Variants in CATSPER3 observed in about 807,000 individuals in gnomAD.
CATSPER3 encodes cation channel sperm-associated protein 3.
Under a neutral mutation model 36.6 loss-of-function variants are expected in CATSPER3, and 23 were observed. The ratio of observed to expected loss-of-function variants is 0.63; its 90% CI spans 0.45 to 0.89. The LOEUF (loss-of-function observed/expected upper bound fraction) is 0.89. Ranked by LOEUF, CATSPER3 falls within the 40% of genes least tolerant of loss-of-function variation. The probability of loss-of-function intolerance (pLI) is 0.00; values close to 1 mark genes in which losing one functional copy is unlikely to be tolerated. For synonymous variants in CATSPER3, 172 were observed against 184.1 expected (o/e 0.93, Z 0.53); for missense variants, 474 against 503.9 (o/e 0.94, Z 0.57).
chr5:135,005,612 TTAAA>T (rs1442463521), intron 3 of CATSPER3, among the ~76,000 whole-genome samples: 11 of 152,238 alleles, frequency 7.2e-5, no homozygotes, highest in Admixed American at 3.3e-4. Flanking sequence ...AAAGGAATCC[TTAAA>T]TAAAGAGCTA....
chr5:135,008,623 G>A (rs932093091), intron 4 of CATSPER3, among the ~76,000 whole-genome samples: 1 of 152,184 alleles, frequency 6.6e-6, no homozygotes, highest in Admixed American at 6.5e-5. Context: ...AAGAGACCTC[G>A]AGGCATGTTG....
At chr5:134,975,106 G>T (rs1474095111) in intron 2 of CATSPER3, 5 of 152,100 alleles carry the variant, frequency 3.3e-5, no homozygotes, top group Non-Finnish European at 7.3e-5. Context: ...TGCAACATTT[G>T]TAAAATGATA....
intron 2 of CATSPER3, among the ~76,000 whole-genome samples, chr5:134,981,720 C>T (rs1751753723): frequency 6.6e-6 from 1 of 152,110 alleles, no homozygotes; most frequent in Admixed American, 6.5e-5. Flanking sequence ...ATTTGGTTTT[C>T]AACAAAATAT....
chr5:134,991,970 AAAT>A (rs1751884064), intron 2 of CATSPER3, among the ~76,000 whole-genome samples: 1 of 152,062 alleles, frequency 6.6e-6, no homozygotes, highest in Non-Finnish European at 1.5e-5. Context: ...AAAAATACAA[AAAT>A]TAGCCAGGTG....
At chr5:135,003,451 G>A (rs1221278488) in intron 3 of CATSPER3, among the ~76,000 whole-genome samples, 1 of 152,214 alleles carries the variant, frequency 6.6e-6, no homozygotes, top group Non-Finnish European at 1.5e-5. Flanking sequence ...CAAACTCCGT[G>A]CTGGGAGAAC....
chr5:135,008,031 C>CATCTT lies in CATSPER3; in HGVS notation c.568_572dup (p.Phe191LeufsTer55). 6.2e-7 allele frequency: 1 copy of CATCTT among 1,614,126 alleles called. No homozygotes were observed. The highest frequency in any genetic ancestry group is 8.5e-7 in the Non-Finnish European group (1 of 1,179,952). On this transcript the variant is annotated frameshift_variant, in exon 4 of 8. Coordinates refer to ENST00000282611, the MANE Select transcript of CATSPER3 (RefSeq NM_178019.3). LOFTEE classifies it high-confidence loss of function. ...TCCTCCTGCTCTTCCTCCTCATGTA[C>CATCTT]ATCTTCGCTATCTTGGGCTTCTGCC...
intron 2 of CATSPER3, among the ~76,000 whole-genome samples, chr5:134,992,772 A>G (rs1400613829): frequency 6.6e-6 from 1 of 152,216 alleles, no homozygotes; most frequent in African/African-American, 2.4e-5. Context: ...GTGTCGGTGA[A>G]GATGTAGAGA....
chr5:135,008,205 C>A (rs533390030), intron 4 of CATSPER3, 66 bp downstream of exon 4: 153 of 1,361,216 alleles, frequency 1.1e-4, no homozygotes, highest in Admixed American at 6.1e-4. Context: ...GTGGTGCAAG[C>A]GTGTGGACAT....
chr5:135,006,789 G>A (rs1407586731), intron 3 of CATSPER3, among the ~76,000 whole-genome samples: 3 of 144,074 alleles, frequency 2.1e-5, no homozygotes, highest in Non-Finnish European at 4.5e-5. Context: ...AGTGAGCCGA[G>A]ATTGCGCCAC....
intron 2 of CATSPER3, among the ~76,000 whole-genome samples, chr5:134,993,115 A>G (rs1265620178): frequency 1.3e-5 from 2 of 152,246 alleles, no homozygotes; most frequent in Non-Finnish European, 2.9e-5. Flanking sequence ...AAACCAACAC[A>G]TGCTAGAAAT....
intron 2 of CATSPER3, among the ~76,000 whole-genome samples, chr5:134,994,947 C>G (rs1305821493): frequency 1.3e-5 from 2 of 151,386 alleles, no homozygotes; most frequent in Non-Finnish European, 3.0e-5. Flanking sequence ...CCCTTCCTTC[C>G]TTTCTTTCTT....
intron 2 of CATSPER3, among the ~76,000 whole-genome samples, chr5:134,982,367 G>T (rs965371743): frequency 6.6e-6 from 1 of 152,012 alleles, no homozygotes; most frequent in Non-Finnish European, 1.5e-5. Flanking sequence ...TTCCAAGAAG[G>T]AGAAACATAA....
intron 2 of CATSPER3, chr5:134,975,381 G>GACAA (rs147844342): frequency 0.84 from 126,419 of 150,916 alleles, 53,065 homozygotes; most frequent in Middle Eastern, 0.89. Context: ...TATAAAAAAA[G>GACAA]ACAAACAAAC....
chr5:134,984,841 A>G (rs1454051972), intron 2 of CATSPER3, among the ~76,000 whole-genome samples: 1 of 147,812 alleles, frequency 6.8e-6, no homozygotes, highest in East Asian at 2.0e-4. Flanking sequence ...TTTGAGATGG[A>G]ATCTGGCTCT....
intron 2 of CATSPER3, chr5:134,995,593 C>T (rs1319569053): frequency 6.3e-6 from 1 of 159,620 alleles, no homozygotes; most frequent in African/African-American, 2.4e-5. Context: ...TTCTGCCTTA[C>T]TCATTGTTGC....
At chr5:134,970,175 T>TTC in intron 2 of CATSPER3, 83 bp downstream of exon 2, 3 of 1,303,670 alleles carry the variant, frequency 2.3e-6, no homozygotes, top group Non-Finnish European at 3.3e-6. Flanking sequence ...TTTTTTTTTT[T>TTC]CCGAGACAGA....
At chr5:134,969,325 G>C (rs1410380643) in intron 1 of CATSPER3, 2 of 157,636 alleles carry the variant, frequency 1.3e-5, no homozygotes, top group African/African-American at 4.8e-5. Flanking sequence ...ACTGTTGCCA[G>C]CATTAGATCT....
At chr5:134,981,425 G>T (rs914366376) in intron 2 of CATSPER3, among the ~76,000 whole-genome samples, 3 of 152,124 alleles carry the variant, frequency 2.0e-5, no homozygotes, top group African/African-American at 7.2e-5. Flanking sequence ...GGCAGAGGTT[G>T]CAGGGAGTTG....
At chr5:135,010,789 T>C (rs1424154322) in intron 7 of CATSPER3, among the ~76,000 whole-genome samples, 6 of 152,228 alleles carry the variant, frequency 3.9e-5, no homozygotes, top group African/African-American at 1.4e-4. Context: ...TGCCAGCTCC[T>C]TGAAGTCTCC....
Sources: allele counts gnomAD v4.1 joint callset (sites outside exome capture counted in the v4.1 genomes callset), GRCh38; gene constraint gnomAD v4.1.1; transcripts MANE v1.5; gene names NCBI Gene and HGNC (gene_info 2026-07-23, HGNC 2026-07-21).